Variants in RSL1D1 observed in about 807,000 individuals in gnomAD.
The protein encoded by RSL1D1 is ribosomal L1 domain containing 1.
In RSL1D1, 34 loss-of-function variants were observed where a neutral mutation model predicts 44.6. The observed-to-expected ratio is 0.76, with a 90% CI of 0.58 to 1.02. The LOEUF is 1.02. RSL1D1 is among the 50% of genes least tolerant of loss of function. RSL1D1 has a pLI of 0.00. For synonymous variants in RSL1D1, 271 were observed against 207.4 expected (o/e 1.31, Z -2.63); for missense variants, 767 against 568.1 (o/e 1.35, Z -3.56).
intron 2 of RSL1D1, chr16:11,849,337 C>G (rs1257303758): frequency 6.7e-6 from 1 of 148,708 alleles, no homozygotes; most frequent in Non-Finnish European, 1.5e-5. Flanking sequence ...GCAGTGAACA[C>G]AGATCTCACT....
At position 11,839,932 on chromosome 16, in the gene RSL1D1, C is replaced by G; in HGVS notation, c.909G>C (p.Lys303Asn). 6.2e-7 allele frequency: 1 copy of G among 1,613,384 alleles called. No individual in the cohort carries two copies. Among genetic ancestry groups the G allele is most frequent in the Non-Finnish European group, 8.5e-7 (1 of 1,179,818 alleles). The change falls in exon 8 of 9, where the codon AAG (lysine) becomes AAC (asparagine). Residue 303 changes from lysine (K) to asparagine (N), a missense_variant. Lys to Asn is a moderately conservative substitution (Grantham distance 94, BLOSUM62 0). Transcript: ENST00000571133. ...TCTTCCTAGCCTGCTGCCTCTTCTT[C>G]TTCCTCTCCTTTTGTTTTTCAAAAT... ...ERNFEKQKER[K>N]KKRQQARKTA...
chr16:11,838,516 C>A (rs931624646), intron 8 of RSL1D1, among the ~76,000 whole-genome samples: 1 of 152,018 alleles, frequency 6.6e-6, no homozygotes, highest in Admixed American at 6.5e-5. Context: ...AGTTAACCCC[C>A]AAAAGGTACA....
chr16:11,834,641 A>G lies in RSL1D1; in HGVS notation c.*3146T>C, dbSNP rs1351021156. Reference sequence around the variant, plus strand: ...CCAGACCTTTAAGTGAAACAAGTCTATCCAACCATCTTCCCATAAAACCTA... The same window carrying G: ...CCAGACCTTTAAGTGAAACAAGTCTGTCCAACCATCTTCCCATAAAACCTA... On this transcript the variant is annotated 3_prime_UTR_variant, in exon 9 of 9. Transcript: ENST00000571133. 6.6e-6 allele frequency: 1 copy of G among 152,236 alleles called. No homozygotes were observed. Among genetic ancestry groups the G allele is most frequent in the Non-Finnish European group, 1.5e-5 (1 of 68,042 alleles). 9.4% of individuals were successfully genotyped at this position (152,236 alleles called of 1,614,324 possible).
rs1294555744 is a variant in RSL1D1, at chr16:11,837,769, C to T, written c.*18G>A. 6.3e-7 allele frequency: 1 copy of T among 1,583,446 alleles called. No individual in the cohort carries two copies. Among genetic ancestry groups the T allele is most frequent in the East Asian group, 2.2e-5 (1 of 44,612 alleles). On this transcript the variant is annotated 3_prime_UTR_variant, in exon 9 of 9. Coordinates refer to ENST00000571133, the MANE Select transcript of RSL1D1 (RefSeq NM_015659.3). ...CTGGAGGCAGCATTGAGGTTTCCTT[C>T]CAGTTGAATCACTGACTTTAGGTCG...
At chr16:11,849,861 T>C (rs571762171) in intron 2 of RSL1D1, among the ~76,000 whole-genome samples, 44 of 152,318 alleles carry the variant, frequency 2.9e-4, no homozygotes, top group Non-Finnish European at 5.7e-4. Flanking sequence ...TATTATTTTT[T>C]ATTTTTTTGA....
chr16:11,847,401 C>A (rs897085553), intron 3 of RSL1D1, among the ~76,000 whole-genome samples: 3 of 151,864 alleles, frequency 2.0e-5, no homozygotes, highest in African/African-American at 7.3e-5. Context: ...TACCTTAGAT[C>A]CAGAGGGTAA....
intron 5 of RSL1D1, among the ~76,000 whole-genome samples, chr16:11,845,903 C>G (rs1459163559): frequency 2.0e-5 from 3 of 151,654 alleles, no homozygotes; most frequent in African/African-American, 7.3e-5. Context: ...CTTGATTTTT[C>G]TGTAATTGGC....
chr16:11,841,567 A>G, intron 7 of RSL1D1, 128 bp downstream of exon 7: 2 of 856,178 alleles, frequency 2.3e-6, no homozygotes, highest in Non-Finnish European at 3.6e-6. Flanking sequence ...TAAAGTGACA[A>G]AAGCACAACC....
At chr16:11,843,854 G>T (rs1399169739) in intron 5 of RSL1D1, among the ~76,000 whole-genome samples, 1 of 105,322 alleles carries the variant, frequency 9.5e-6, no homozygotes. Context: ...CTGGGCGACA[G>T]AGCAAGAACT....
chr16:11,839,924 C>G lies in RSL1D1; in HGVS notation c.917G>C (p.Arg306Thr). 6.2e-7 allele frequency: 1 copy of G among 1,613,908 alleles called. No homozygotes were observed. Among genetic ancestry groups the G allele is most frequent in the Non-Finnish European group, 8.5e-7 (1 of 1,179,940 alleles). Residue 306 changes from arginine (R) to threonine (T), a missense_variant, in exon 8 of 9, where the codon AGG becomes ACG. Coordinates refer to ENST00000571133, the MANE Select transcript of RSL1D1 (RefSeq NM_015659.3). ...FEKQKERKKK[R>T]QQARKTASVL... ...TGATGCAGTCTTCCTAGCCTGCTGC[C>G]TCTTCTTCTTCCTCTCCTTTTGTTT...
In RSL1D1 at chr16:11,851,503, A is replaced by G. The variant is rs1421329281; in HGVS notation, c.10T>C (p.Ser4Pro). 2.5e-6 allele frequency: 4 copies of G among 1,613,724 alleles called. No homozygotes were observed. The Admixed American group carries it at 6.7e-5, about 27-fold the overall frequency. Residue 4 changes from serine (S) to proline (P), a missense_variant, in exon 1 of 9, where the codon TCG (serine) becomes CCG (proline). By Grantham distance (74) the Ser-to-Pro change is moderately conservative (BLOSUM62 -1). Coordinates refer to ENST00000571133, the MANE Select transcript of RSL1D1 (RefSeq NM_015659.3). ...GCAGAAGACAGCGAGGCCGAGGCCG[A>G]ATCCTCCATCTTGTTTCCACCTCGT... Reference protein sequence around the residue: MEDSASASLSSAAA... With the variant: MEDPASASLSSAAA...
In RSL1D1 at chr16:11,851,310, G is replaced by A. The variant is rs2053835865; in HGVS notation, c.105+98C>T. On this transcript the variant is annotated intron_variant, in intron 1 of 8. Coordinates refer to ENST00000571133, the MANE Select transcript of RSL1D1 (RefSeq NM_015659.3). ...CGCCAGCGACCGTCCCACAGCCCCG[G>A]GGAAGTCCGCCGAGCACGCACTCGG... is the stretch of plus-strand genomic sequence containing the variant. The A allele has an allele frequency of 2.6e-5, 30 of 1,139,592 alleles. No individual in the cohort carries two copies. The East Asian group carries it at 7.1e-4, about 27-fold the overall frequency. 70.6% of individuals were successfully genotyped at this position (1,139,592 alleles called of 1,614,324 possible).
intron 7 of RSL1D1, among the ~76,000 whole-genome samples, chr16:11,841,187 A>T (rs1472072621): frequency 6.6e-6 from 1 of 152,204 alleles, no homozygotes; most frequent in East Asian, 1.9e-4. Flanking sequence ...AGGCAGGCGG[A>T]TCGCTTGAGC....
At position 11,851,470 on chromosome 16, in the gene RSL1D1, T is replaced by C. The variant is rs775530030; in HGVS notation, c.43A>G (p.Thr15Ala). ...ASASLSSAAA[T>A]GTSTSTPAAP... ...GCTGGAGTCGAGGTGGAGGTTCCAGTAGCGGCTGCAGAAGACAGCGAGGCC... is the reference window on the plus strand; with the variant it reads ...GCTGGAGTCGAGGTGGAGGTTCCAGCAGCGGCTGCAGAAGACAGCGAGGCC... Residue 15 changes from threonine (T) to alanine (A), a missense_variant, in exon 1 of 9, where the codon ACT (threonine) becomes GCT (alanine). Physicochemically the swap from Thr to Ala is moderately conservative, Grantham distance 58. Transcript: ENST00000571133. The C allele has an allele frequency of 1.5e-5, 24 of 1,613,930 alleles. No homozygotes were observed. In the East Asian group the frequency reaches 1.6e-4, roughly 10 times the overall value.
At chr16:11,846,454 G>T in intron 5 of RSL1D1, 47 bp downstream of exon 5, 6 of 970,042 alleles carry the variant, frequency 6.2e-6, no homozygotes, top group Non-Finnish European at 9.6e-6. Flanking sequence ...TAAAATCATT[G>T]TCAAATACAA....
chr16:11,839,654 C>A (rs373433860), intron 8 of RSL1D1, 41 bp downstream of exon 8: 16 of 1,604,246 alleles, frequency 1.0e-5, no homozygotes, highest in African/African-American at 2.7e-5. Context: ...ACAGTAGCCA[C>A]TGAACCAATC....
Position 11,841,590 on chromosome 16 carries a change from G to T in RSL1D1, c.855+105C>A, listed in dbSNP as rs2053763970. The T allele has an allele frequency of 4.8e-6, 5 of 1,052,102 alleles. No individual in the cohort carries two copies. The East Asian group carries it at 7.3e-5, about 15-fold the overall frequency. 65.2% of individuals were successfully genotyped at this position (1,052,102 alleles called of 1,614,324 possible). A position where few individuals can be genotyped will look rare whatever the true frequency, so the allele number is the denominator to read the frequency against. ...CAAAAGCACAACCACCACAAAACCAGAAGATAACTGAAAAGTCGGGCAGCG... is the reference window on the plus strand; with the variant it reads ...CAAAAGCACAACCACCACAAAACCATAAGATAACTGAAAAGTCGGGCAGCG... On this transcript the variant is annotated intron_variant, in intron 7 of 8. Transcript: ENST00000571133.
chr16:11,836,605 G>C lies in RSL1D1; in HGVS notation c.*1182C>G, dbSNP rs1318918150. On this transcript the variant is annotated 3_prime_UTR_variant, in exon 9 of 9. Coordinates refer to ENST00000571133, the MANE Select transcript of RSL1D1 (RefSeq NM_015659.3). ...CAAATCCATATGGACTGAGGAATAA[G>C]GAGGAAGAGGATAAGGCTTATGGAA... is the stretch of plus-strand genomic sequence containing the variant. 1 of 152,210 alleles carries C rather than the reference G, an allele frequency of 6.6e-6. No homozygotes were observed. The highest frequency in any genetic ancestry group is 2.4e-5 in the African/African-American group (1 of 41,454). 9.4% of individuals were successfully genotyped at this position (152,210 alleles called of 1,614,324 possible). A position where few individuals can be genotyped will look rare whatever the true frequency, so the allele number is the denominator to read the frequency against.
At chr16:11,847,873 C>G (rs535171483) in intron 2 of RSL1D1, 67 bp from the exon 3 acceptor site, 1 of 1,464,166 alleles carries the variant, frequency 6.8e-7, no homozygotes, top group African/African-American at 1.4e-5. Context: ...TTGTATCACA[C>G]AGAATACGCG....
Sources: gnomAD v4.1 joint callset for allele counts (sites outside exome capture counted in the v4.1 genomes callset) on GRCh38, gnomAD v4.1.1 for gene constraint, MANE v1.5 for transcripts, NCBI Gene and HGNC (gene_info 2026-07-23, HGNC 2026-07-21) for gene names.